The following NLGN1 variants were observed in gnomAD, a reference collection of about 807,000 sequenced individuals.
NLGN1 encodes the protein neuroligin-1.
NLGN1 carries 12 observed loss-of-function variants against 65.5 expected under a neutral mutation model. That is an observed-to-expected ratio of 0.18 (90% CI 0.12 to 0.30). The LOEUF (loss-of-function observed/expected upper bound fraction) is 0.30, where lower values mean the gene tolerates loss of function less well. Ranked by LOEUF, NLGN1 falls within the 10% of genes least tolerant of loss-of-function variation. NLGN1 has a pLI of 1.00. For missense variants in NLGN1, 750 were observed against 1,007.1 expected, an observed-to-expected ratio of 0.74 and a Z score of 3.46; for synonymous variants, 350 against 359.5, an observed-to-expected ratio of 0.97 and a Z score of 0.30.
At chr3:173,446,415 G>A (rs1290232728) in intron 2 of NLGN1, among the ~76,000 whole-genome samples, 41 of 152,042 alleles carry the variant, frequency 2.7e-4, no homozygotes, top group Admixed American at 3.9e-4. Context: ...TTATGGCTGC[G>A]TAGTATTCCA....
chr3:173,423,225 T>G (rs2148705541), intron 1 of NLGN1, among the ~76,000 whole-genome samples: 1 of 152,280 alleles, frequency 6.6e-6, no homozygotes, highest in Non-Finnish European at 1.5e-5. Context: ...CTTCCCTCAA[T>G]ACATTGGGAT....
At chr3:173,821,053 AAC>A (rs1054095172) in intron 4 of NLGN1, among the ~76,000 whole-genome samples, 3 of 152,318 alleles carry the variant, frequency 2.0e-5, no homozygotes, top group Admixed American at 2.0e-4. Flanking sequence ...CATCTTTTAT[AAC>A]AGTGTAGTCA....
chr3:174,253,558 CA>C (rs1745145291), intron 4 of NLGN1, among the ~76,000 whole-genome samples: 1 of 152,116 alleles, frequency 6.6e-6, no homozygotes, highest in African/African-American at 2.4e-5. Context: ...CATTACAGGT[CA>C]AATCAGCTGA....
At chr3:174,026,986 G>A (rs1209422664) in intron 4 of NLGN1, among the ~76,000 whole-genome samples, 1 of 151,250 alleles carries the variant, frequency 6.6e-6, no homozygotes, top group East Asian at 1.9e-4. Flanking sequence ...AAGATTGATT[G>A]TCTTGGGTGT....
chr3:174,191,625 G>T (rs1237860012), intron 4 of NLGN1, among the ~76,000 whole-genome samples: 1 of 152,130 alleles, frequency 6.6e-6, no homozygotes, highest in Non-Finnish European at 1.5e-5. Flanking sequence ...GTGTGAACAG[G>T]CCACCACATT....
intron 2 of NLGN1, among the ~76,000 whole-genome samples, chr3:173,447,332 C>T (rs1720557130): frequency 6.6e-6 from 1 of 152,162 alleles, no homozygotes; most frequent in South Asian, 2.1e-4. Context: ...ATCCTTTCCC[C>T]ATTGCTTGTT....
chr3:173,653,611 A>G (rs112299698), intron 3 of NLGN1, among the ~76,000 whole-genome samples: 2,121 of 152,278 alleles, frequency 0.014, 53 homozygotes, highest in African/African-American at 0.048. Flanking sequence ...TATAAACATT[A>G]TGTTCAATTT....
intron 2 of NLGN1, among the ~76,000 whole-genome samples, chr3:173,471,830 G>T (rs1352199068): frequency 6.6e-6 from 1 of 152,080 alleles, no homozygotes; most frequent in South Asian, 2.1e-4. Flanking sequence ...TTAGATTTAT[G>T]ATACTTGATA....
At chr3:173,846,431 A>G (rs1309951822) in intron 4 of NLGN1, among the ~76,000 whole-genome samples, 3 of 152,164 alleles carry the variant, frequency 2.0e-5, no homozygotes, top group East Asian at 1.9e-4. Flanking sequence ...TTAACAGTAG[A>G]CATTCAGATT....
chr3:174,040,577 T>G (rs1732065926), intron 4 of NLGN1, among the ~76,000 whole-genome samples: 1 of 152,038 alleles, frequency 6.6e-6, no homozygotes, highest in Non-Finnish European at 1.5e-5. Flanking sequence ...TAGAGGACAC[T>G]ACTGAGAAAA....
intron 3 of NLGN1, among the ~76,000 whole-genome samples, chr3:173,618,603 A>G (rs1022264081): frequency 6.6e-6 from 1 of 152,110 alleles, no homozygotes; most frequent in Admixed American, 6.6e-5. Flanking sequence ...ATTATTTATC[A>G]CCATAGGCAG....
chr3:174,208,677 AAAAGG>A (rs1275539714), intron 4 of NLGN1, among the ~76,000 whole-genome samples: 3 of 151,420 alleles, frequency 2.0e-5, no homozygotes, highest in Non-Finnish European at 4.4e-5. Context: ...AAAAAAAAAA[AAAAGG>A]AGAACAATAA....
chr3:173,870,589 T>C (rs1730990480), intron 4 of NLGN1, among the ~76,000 whole-genome samples: 1 of 152,244 alleles, frequency 6.6e-6, no homozygotes, highest in Non-Finnish European at 1.5e-5. Flanking sequence ...TATCTGGCTC[T>C]GAATTTAAGA....
chr3:173,826,097 G>A (rs1721284351), intron 4 of NLGN1, among the ~76,000 whole-genome samples: 1 of 151,948 alleles, frequency 6.6e-6, no homozygotes, highest in Non-Finnish European at 1.5e-5. Flanking sequence ...ATGTTTCTCT[G>A]TCAGCCATGA....
intron 4 of NLGN1, among the ~76,000 whole-genome samples, chr3:174,017,042 A>C (rs1036602287): frequency 3.9e-5 from 6 of 152,184 alleles, no homozygotes; most frequent in African/African-American, 9.6e-5. Context: ...AGCTCTTGAC[A>C]GTAGTGTGTG....
At position 173,605,625 on chromosome 3, in the gene NLGN1, G is replaced by A. The variant is rs1751283300; in HGVS notation, c.493+534G>A. Reference sequence around the variant, plus strand: ...ATAAAAGTGGAAATTAAAAATGGGGGAAAAAGCTTGCAGAGGAAGAACAAG... The same window carrying A: ...ATAAAAGTGGAAATTAAAAATGGGGAAAAAAGCTTGCAGAGGAAGAACAAG... On this transcript the variant is annotated intron_variant, in intron 3 of 6. Transcript: ENST00000457714. The A allele has an allele frequency of 4.5e-6, 5 of 1,107,698 alleles. No individual in the cohort carries two copies. The South Asian group carries it at 5.2e-5, about 11-fold the overall frequency. The allele number at this position is 1,107,698 out of a possible 1,614,324, so 68.6% of individuals were successfully genotyped here.
Position 174,209,446 on chromosome 3 carries a change from G to T in NLGN1, c.647-65869G>T, listed in dbSNP as rs565738440. On this transcript the variant is annotated intron_variant, in intron 4 of 6. Transcript: ENST00000457714. The stretch of plus-strand genomic sequence containing the variant: ...ATATTCATCCCGTATTTTCCAGTGG[G>T]TATCTCCATCACACAGTGGCAAGCA... Among the ~76,000 whole-genome samples the T allele has an allele frequency of 7.2e-5, 11 of 152,098 alleles. No homozygotes were observed. In the East Asian group the frequency reaches 2.1e-3, roughly 29 times the overall value.
intron 2 of NLGN1, chr3:173,585,060 A>T (rs1747123234): frequency 6.6e-6 from 1 of 151,878 alleles, no homozygotes; most frequent in Non-Finnish European, 1.5e-5. Context: ...TTTTATTGGG[A>T]GGGGGCTGCC....
intron 2 of NLGN1, among the ~76,000 whole-genome samples, chr3:173,540,266 A>G (rs948462144): frequency 6.6e-6 from 1 of 152,186 alleles, no homozygotes; most frequent in Non-Finnish European, 1.5e-5. Context: ...ATGCTAGGTC[A>G]TATGGTTCAT....
Sources: gnomAD v4.1 joint callset for allele counts (sites outside exome capture counted in the v4.1 genomes callset) on GRCh38, gnomAD v4.1.1 for gene constraint, MANE v1.5 for transcripts, NCBI Gene and HGNC (gene_info 2026-07-23, HGNC 2026-07-21) for gene names.